Variants in MTUS1 observed in about 807,000 individuals in gnomAD.
MTUS1 encodes microtubule associated scaffold protein 1.
Under a neutral mutation model 120.8 loss-of-function variants are expected in MTUS1, and 109 were observed. The observed-to-expected ratio is 0.90, with a 90% CI of 0.77 to 1.06. The LOEUF is 1.06. Among genes scored for constraint, MTUS1 ranks in the 50% least tolerant of loss-of-function variants. The probability of loss-of-function intolerance (pLI) is 0.00; values close to 1 mark genes in which losing one functional copy is unlikely to be tolerated. For synonymous variants in MTUS1, 737 were observed against 550.5 expected, an observed-to-expected ratio of 1.34 and a Z score of -4.74; for missense variants, 2,210 against 1,486.3, an observed-to-expected ratio of 1.49 and a Z score of -8.01.
At chr8:17,777,580 G>A (rs2050554442) in intron 1 of MTUS1, among the ~76,000 whole-genome samples, 1 of 152,152 alleles carries the variant, frequency 6.6e-6, no homozygotes, top group Non-Finnish European at 1.5e-5. Flanking sequence ...ACAGAGACGT[G>A]GATGGGACCA....
At chr8:17,691,138 G>A (rs376482858) in intron 6 of MTUS1, among the ~76,000 whole-genome samples, 1 of 152,168 alleles carries the variant, frequency 6.6e-6, no homozygotes, top group South Asian at 2.1e-4. Context: ...CATTCTGAAT[G>A]CAACTCTAAA....
chr8:17,740,642 T>A (rs756780671), intron 3 of MTUS1, among the ~76,000 whole-genome samples: 1 of 152,230 alleles, frequency 6.6e-6, no homozygotes, highest in Non-Finnish European at 1.5e-5. Context: ...CATAATACAG[T>A]AGAATCAAAT....
chr8:17,746,710 A>C (rs1221754336), intron 2 of MTUS1, among the ~76,000 whole-genome samples: 1 of 152,188 alleles, frequency 6.6e-6, no homozygotes, highest in Non-Finnish European at 1.5e-5. Context: ...CAGCCAAACC[A>C]TATGACTCTA....
chr8:17,711,600 G>A (rs542511705), intron 6 of MTUS1, among the ~76,000 whole-genome samples: 9 of 152,250 alleles, frequency 5.9e-5, no homozygotes, highest in South Asian at 4.1e-4. Context: ...TCTCTCTGCC[G>A]GGAGTCTGTT....
chr8:17,746,795 T>A (rs2047786478), intron 2 of MTUS1, among the ~76,000 whole-genome samples: 1 of 152,204 alleles, frequency 6.6e-6, no homozygotes. Context: ...CACTTAACCC[T>A]CATAATAATC....
At chr8:17,693,348 C>G (rs1383726153) in intron 6 of MTUS1, 1 of 152,174 alleles carries the variant, frequency 6.6e-6, no homozygotes, top group African/African-American at 2.4e-5. Context: ...CAAATTCACT[C>G]TTTTCCTCCT....
chr8:17,735,078 C>T (rs2046836836), intron 3 of MTUS1, among the ~76,000 whole-genome samples: 1 of 152,084 alleles, frequency 6.6e-6, no homozygotes, highest in Non-Finnish European at 1.5e-5. Flanking sequence ...GCCACTGGGC[C>T]TGTCTCTTAT....
chr8:17,789,036 CT>C lies in MTUS1; in HGVS notation c.-155+12024del, dbSNP rs1047810081. On this transcript the variant is annotated intron_variant, in intron 1 of 14. Coordinates refer to ENST00000693296, the MANE Select transcript of MTUS1 (RefSeq NM_001363059.2). ...ACAGACTGTGCATGCTTTTAGTTGTCTTTTTTTTTTTTTGAGACGGAGTTTC... is the reference window on the plus strand; with the variant it reads ...ACAGACTGTGCATGCTTTTAGTTGTCTTTTTTTTTTTTGAGACGGAGTTTC... Among the ~76,000 whole-genome samples the C allele has an allele frequency of 6.9e-3, 994 of 144,200 alleles. 5 individuals carry two copies. Among genetic ancestry groups the C allele is most frequent in the Non-Finnish European group, 9.2e-3 (601 of 65,512 alleles). 94.6% of individuals were successfully genotyped at this position (144,200 alleles called of 152,430 possible).
In MTUS1 at chr8:17,701,336, G is replaced by T. The variant is rs1003545065; in HGVS notation, c.2623+11878C>A. Among the ~76,000 whole-genome samples the T allele has an allele frequency of 2.0e-5, 3 of 152,130 alleles. No homozygotes were observed. In the East Asian group the frequency reaches 5.8e-4, roughly 29 times the overall value. The stretch of plus-strand genomic sequence containing the variant: ...TTTTTCCACACTATCCTCTTCCTCA[G>T]TACGAAGATAAATTGTAATTATCAA... On this transcript the variant is annotated intron_variant, in intron 6 of 14. Transcript: ENST00000693296.
chr8:17,672,046 G>A (rs1021205798), intron 8 of MTUS1, among the ~76,000 whole-genome samples: 20 of 152,118 alleles, frequency 1.3e-4, no homozygotes, highest in Non-Finnish European at 2.8e-4. Context: ...AAAAACCTAG[G>A]CTTTGACTCC....
At chr8:17,671,601 A>G (rs1285732714) in intron 8 of MTUS1, among the ~76,000 whole-genome samples, 1 of 152,228 alleles carries the variant, frequency 6.6e-6, no homozygotes, top group Non-Finnish European at 1.5e-5. Context: ...GAACAACGGG[A>G]AAGTCAGTGG....
intron 6 of MTUS1, among the ~76,000 whole-genome samples, chr8:17,696,594 G>A (rs1458090831): frequency 2.0e-5 from 3 of 152,158 alleles, no homozygotes; most frequent in Admixed American, 1.3e-4. Flanking sequence ...AAAGTGAGCA[G>A]ACAGGTCACC....
At chr8:17,788,691 T>C (rs1017646461) in intron 1 of MTUS1, among the ~76,000 whole-genome samples, 4 of 152,136 alleles carry the variant, frequency 2.6e-5, no homozygotes, top group Admixed American at 2.6e-4. Flanking sequence ...AACAGTTTAT[T>C]GAACAAAAAT....
At chr8:17,652,341 C>T (rs1807186620) in intron 12 of MTUS1, among the ~76,000 whole-genome samples, 2 of 152,142 alleles carry the variant, frequency 1.3e-5, no homozygotes, top group African/African-American at 4.8e-5. Context: ...TAGGCTACAC[C>T]ACGGATGAAC....
rs75290847 is a variant in MTUS1, at chr8:17,655,227, A to T, written c.3109-561T>A. Among the ~76,000 whole-genome samples the T allele has an allele frequency of 7.4e-5, 11 of 148,960 alleles. No homozygotes were observed. In the East Asian group the frequency reaches 1.6e-3, roughly 22 times the overall value. ...GAGTTAAAAAGGGAGCTACAAAATT[A>T]AAAAGGTTTGATATTTTATTCAGTG... On this transcript the variant is annotated intron_variant, in intron 9 of 14. Coordinates refer to ENST00000693296, the MANE Select transcript of MTUS1 (RefSeq NM_001363059.2).
chr8:17,665,079 A>T (rs1333805102), intron 8 of MTUS1, among the ~76,000 whole-genome samples: 1 of 152,186 alleles, frequency 6.6e-6, no homozygotes, highest in Admixed American at 6.5e-5. Context: ...GCTTTGTAGA[A>T]AGTCTTCCCA....
chr8:17,727,426 T>G (rs2046294565), intron 3 of MTUS1, among the ~76,000 whole-genome samples: 1 of 152,148 alleles, frequency 6.6e-6, no homozygotes. Context: ...GTATGAGGCT[T>G]GGAGGCAGAC....
rs1052882617 is a variant in MTUS1 at position 17,754,723 on chromosome 8, G to A, written c.1085C>T (p.Ala362Val). 2 of 1,614,088 alleles carry A rather than the reference G, an allele frequency of 1.2e-6. No homozygotes were observed. The highest frequency in any genetic ancestry group is 1.7e-6 in the Non-Finnish European group (2 of 1,180,046). ...LMVPAFDKSE[A>V]QVLNPEHKVT... ...TTTATGCTCTGGGTTCAGCACTTGA[G>A]CTTCGCTCTTATCAAAAGCTGGCAC... The change falls in exon 2 of 15, where the codon GCT becomes GTT. Residue 362 changes from alanine (A) to valine (V), a missense_variant. Ala to Val is a moderately conservative substitution (Grantham distance 64, BLOSUM62 0). Coordinates refer to ENST00000693296, the MANE Select transcript of MTUS1 (RefSeq NM_001363059.2).
chr8:17,731,720 A>C (rs2979777), intron 3 of MTUS1, among the ~76,000 whole-genome samples: 30,500 of 152,054 alleles, frequency 0.2, 3,206 homozygotes, highest in African/African-American at 0.26. Flanking sequence ...GAACAGCAGC[A>C]GATCAAAAAA....
Sources: gnomAD v4.1 joint callset for allele counts (sites outside exome capture counted in the v4.1 genomes callset) on GRCh38, gnomAD v4.1.1 for gene constraint, MANE v1.5 for transcripts, NCBI Gene and HGNC (gene_info 2026-07-23, HGNC 2026-07-21) for gene names.